The following PTPRT variants were observed in gnomAD, a reference collection of about 807,000 sequenced individuals.
PTPRT encodes receptor-type tyrosine-protein phosphatase T.
Under a neutral mutation model 176.8 loss-of-function variants are expected in PTPRT, and 56 were observed. The ratio of observed to expected loss-of-function variants is 0.32; its 90% confidence interval spans 0.26 to 0.40. The LOEUF is 0.40. PTPRT is among the 10% of genes least tolerant of loss of function. The probability of loss-of-function intolerance (pLI) is 1.00; values close to 1 mark genes in which losing one functional copy is unlikely to be tolerated. For missense variants in PTPRT, 1,540 were observed against 1,908.2 expected (o/e 0.81, Z 3.60); for synonymous variants, 783 against 739.0 (o/e 1.06, Z -0.96).
intron 2 of PTPRT, among the ~76,000 whole-genome samples, chr20:42,885,252 A>G (rs940326166): frequency 8.2e-5 from 12 of 146,066 alleles, no homozygotes; most frequent in Non-Finnish European, 1.5e-4. Flanking sequence ...ACTATGTAAC[A>G]TATATAATGT....
chr20:42,074,723 C>G lies in PTPRT; in HGVS notation c.*6156G>C, dbSNP rs186579046. ...GAGTGTTGATGCCTCCTTTTAGAGA[C>G]CTAACATTCATGAGTGGATTTCAGT... is the stretch of plus-strand genomic sequence containing the variant. On this transcript the variant is annotated 3_prime_UTR_variant, in exon 31 of 31. Transcript: ENST00000373187. The G allele has an allele frequency of 4.0e-5, 16 of 398,506 alleles. No individual in the cohort carries two copies. In the Admixed American group the frequency reaches 6.6e-4, roughly 16 times the overall value. The allele number at this position is 398,506 out of a possible 1,614,324, so 24.7% of individuals were successfully genotyped here. A position where few individuals can be genotyped will look rare whatever the true frequency, so the allele number is the denominator to read the frequency against.
chr20:43,083,353 T>G (rs1200094511), intron 1 of PTPRT, among the ~76,000 whole-genome samples: 2 of 128,474 alleles, frequency 1.6e-5, no homozygotes, highest in African/African-American at 5.8e-5. Flanking sequence ...TATATATATA[T>G]ATATATATAT....
chr20:42,991,442 AC>A (rs1983907366), intron 1 of PTPRT, among the ~76,000 whole-genome samples: 1 of 152,164 alleles, frequency 6.6e-6, no homozygotes, highest in Admixed American at 6.5e-5. Context: ...AAAAAAAGAA[AC>A]GTATTTATAT....
At chr20:42,951,327 T>G (rs181266498) in intron 1 of PTPRT, among the ~76,000 whole-genome samples, 69 of 148,014 alleles carry the variant, frequency 4.7e-4, no homozygotes, top group African/African-American at 1.6e-3. Context: ...GATGAGTGGA[T>G]GGATGGGCAG....
intron 5 of PTPRT, among the ~76,000 whole-genome samples, chr20:42,765,963 G>C (rs1196455258): frequency 6.6e-6 from 1 of 151,716 alleles, no homozygotes; most frequent in African/African-American, 2.4e-5. Context: ...TATTTCCTTA[G>C]GTAAATTTCC....
intron 6 of PTPRT, among the ~76,000 whole-genome samples, chr20:42,746,610 G>C (rs1379605053): frequency 7.0e-6 from 1 of 143,516 alleles, no homozygotes; most frequent in Non-Finnish European, 1.5e-5. Context: ...ATGTGTTCTT[G>C]ACAATAGCAG....
chr20:42,939,336 G>A lies in PTPRT; in HGVS notation c.89-53404C>T, dbSNP rs958101941. 3.3e-5 allele frequency among the ~76,000 whole-genome samples: 5 copies of A among 152,324 alleles called. No individual in the cohort carries two copies. In the East Asian group the frequency reaches 7.7e-4, roughly 23 times the overall value. On this transcript the variant is annotated intron_variant, in intron 1 of 30. Transcript: ENST00000373187. ...TACATACAGCTTTAATTCCAGGTTTGCTCATCACTCCCGCCATCTCAGCCC... is the reference window on the plus strand; with the variant it reads ...TACATACAGCTTTAATTCCAGGTTTACTCATCACTCCCGCCATCTCAGCCC...
intron 7 of PTPRT, among the ~76,000 whole-genome samples, chr20:42,517,824 T>C (rs1242509109): frequency 6.6e-6 from 1 of 152,022 alleles, no homozygotes; most frequent in Non-Finnish European, 1.5e-5. Context: ...ATGTTAATTA[T>C]AAACAAGGAA....
chr20:42,212,691 G>T (rs2055673292), intron 15 of PTPRT, among the ~76,000 whole-genome samples: 1 of 152,116 alleles, frequency 6.6e-6, no homozygotes, highest in Non-Finnish European at 1.5e-5. Flanking sequence ...TCAGACTGTT[G>T]GGAGGATTGA....
intron 12 of PTPRT, among the ~76,000 whole-genome samples, chr20:42,304,059 A>G (rs2145322631): frequency 6.6e-6 from 1 of 152,334 alleles, no homozygotes; most frequent in Middle Eastern, 3.4e-3. Context: ...ACACTTGATG[A>G]AAATTCAGCC....
chr20:42,057,394 C>G, the PTPRT span, among the ~76,000 whole-genome samples: 1 of 152,022 alleles, frequency 6.6e-6, no homozygotes, highest in Non-Finnish European at 1.5e-5. Context: ...AAGGGTACAG[C>G]AGGGAACGGA....
chr20:42,993,162 T>TTTAAA (rs1984017642), intron 1 of PTPRT, among the ~76,000 whole-genome samples: 1 of 151,972 alleles, frequency 6.6e-6, no homozygotes, highest in South Asian at 2.1e-4. Flanking sequence ...AACCTGCCTG[T>TTTAAA]AATCCCAGCA....
chr20:42,767,648 T>C (rs1048270215), intron 5 of PTPRT, among the ~76,000 whole-genome samples: 24 of 147,974 alleles, frequency 1.6e-4, no homozygotes, highest in Non-Finnish European at 2.7e-4. Flanking sequence ...TACACAAATA[T>C]ATATTAATAT....
chr20:42,563,589 A>G (rs1601277182), intron 7 of PTPRT, among the ~76,000 whole-genome samples: 3 of 152,334 alleles, frequency 2.0e-5, no homozygotes, highest in Admixed American at 2.0e-4. Context: ...AAAACCTGAA[A>G]CAACCCAAAT....
chr20:42,108,665 A>T (rs1016424275), intron 23 of PTPRT, among the ~76,000 whole-genome samples: 1 of 144,892 alleles, frequency 6.9e-6, no homozygotes. Context: ...ACAAACAAAC[A>T]TTGTTCCTGT....
At chr20:42,501,607 T>C (rs937410075) in intron 7 of PTPRT, among the ~76,000 whole-genome samples, 2 of 152,196 alleles carry the variant, frequency 1.3e-5, no homozygotes, top group East Asian at 3.8e-4. Flanking sequence ...TGTTTATGTA[T>C]GTCTATGCTG....
the PTPRT span, among the ~76,000 whole-genome samples, chr20:42,034,522 A>C: frequency 6.6e-6 from 1 of 152,162 alleles, no homozygotes; most frequent in East Asian, 1.9e-4. Flanking sequence ...TAATACCTAA[A>C]GATTGAGTCT....
intron 1 of PTPRT, among the ~76,000 whole-genome samples, chr20:43,028,330 G>A (rs1343150931): frequency 1.3e-5 from 2 of 152,104 alleles, no homozygotes; most frequent in Non-Finnish European, 2.9e-5. Context: ...TCCTTGCTTT[G>A]CCCTTTGAAC....
chr20:42,499,877 T>C (rs1798419354), intron 7 of PTPRT, among the ~76,000 whole-genome samples: 1 of 152,174 alleles, frequency 6.6e-6, no homozygotes, highest in Non-Finnish European at 1.5e-5. Context: ...TCAGCTTCTA[T>C]CATTTTAGTT....
Sources: allele counts gnomAD v4.1 joint callset (sites outside exome capture counted in the v4.1 genomes callset), GRCh38; gene constraint gnomAD v4.1.1; transcripts MANE v1.5; gene names NCBI Gene and HGNC (gene_info 2026-07-23, HGNC 2026-07-21).